Variants in CMIP observed in about 807,000 individuals in gnomAD.
CMIP encodes the protein C-Maf-inducing protein.
Under a neutral mutation model 97.3 loss-of-function variants are expected in CMIP, and 13 were observed. The observed-to-expected ratio is 0.13, with a 90% confidence interval of 0.09 to 0.21. The LOEUF (loss-of-function observed/expected upper bound fraction) is 0.21. Among genes scored for constraint, CMIP ranks in the 10% least tolerant of loss-of-function variants. CMIP has a pLI of 1.00. For missense variants in CMIP, 847 were observed against 1,024.9 expected (o/e 0.83, Z 2.37); for synonymous variants, 538 against 436.3 (o/e 1.23, Z -2.91).
At position 81,669,485 on chromosome 16, in the gene CMIP, C is replaced by T. The variant is rs536628066; in HGVS notation, c.826-657C>T. ...CCTCTCACCTTCCACACCCACCTCTCTCACCTCCTTCCACATCCACCTCAC... is the reference window on the plus strand; with the variant it reads ...CCTCTCACCTTCCACACCCACCTCTTTCACCTCCTTCCACATCCACCTCAC... On this transcript the variant is annotated intron_variant, in intron 7 of 20. Coordinates refer to ENST00000537098, the MANE Select transcript of CMIP (RefSeq NM_198390.3). Among the ~76,000 whole-genome samples, 4 of 141,568 alleles carry T rather than the reference C, an allele frequency of 2.8e-5. No homozygotes were observed. The South Asian group carries it at 9.4e-4, about 33-fold the overall frequency. 92.9% of individuals were successfully genotyped at this position (141,568 alleles called of 152,430 possible). A position where few individuals can be genotyped will look rare whatever the true frequency, so the allele number is the denominator to read the frequency against.
chr16:81,508,486 A>G (rs1030526962), intron 1 of CMIP, among the ~76,000 whole-genome samples: 1 of 152,214 alleles, frequency 6.6e-6, no homozygotes, highest in Non-Finnish European at 1.5e-5. Context: ...ATTCTACTCC[A>G]TAGCTCTATT....
intron 1 of CMIP, among the ~76,000 whole-genome samples, chr16:81,557,338 T>TTCAATTCACTCA (rs2090784321): frequency 6.8e-6 from 1 of 146,758 alleles, no homozygotes; most frequent in African/African-American, 2.4e-5. Context: ...CTGATGTTGG[T>TTCAATTCACTCA]TGAATTTACT....
intron 1 of CMIP, among the ~76,000 whole-genome samples, chr16:81,554,088 CAAT>C (rs1446939018): frequency 1.3e-5 from 2 of 152,190 alleles, no homozygotes; most frequent in African/African-American, 4.8e-5. Flanking sequence ...TTTAGAACAA[CAAT>C]AATTATTAAA....
At chr16:81,460,976 C>A (rs1169854963) in intron 1 of CMIP, among the ~76,000 whole-genome samples, 2 of 152,170 alleles carry the variant, frequency 1.3e-5, no homozygotes, top group Non-Finnish European at 1.5e-5. Flanking sequence ...GAAACTGAGG[C>A]TTAGAGAGTT....
At chr16:81,578,791 C>A (rs1026423937) in intron 1 of CMIP, among the ~76,000 whole-genome samples, 1 of 152,212 alleles carries the variant, frequency 6.6e-6, no homozygotes, top group Non-Finnish European at 1.5e-5. Flanking sequence ...CCTGCACTGG[C>A]GTCGGAAAAG....
chr16:81,566,829 A>G (rs1259269160), intron 1 of CMIP, among the ~76,000 whole-genome samples: 1 of 152,250 alleles, frequency 6.6e-6, no homozygotes, highest in Non-Finnish European at 1.5e-5. Context: ...AATGAAAAAT[A>G]AACACCATGG....
chr16:81,455,170 C>T (rs895259347), intron 1 of CMIP, among the ~76,000 whole-genome samples: 2 of 152,158 alleles, frequency 1.3e-5, no homozygotes, highest in African/African-American at 4.8e-5. Context: ...CCCGGGATGT[C>T]ACAGATTGGA....
intron 1 of CMIP, among the ~76,000 whole-genome samples, chr16:81,535,867 AG>A (rs1388044971): frequency 3.3e-5 from 5 of 152,192 alleles, no homozygotes; most frequent in African/African-American, 1.2e-4. Flanking sequence ...ACAAGCTCCT[AG>A]GACTCCAGGT....
chr16:81,538,673 A>C (rs1597526279), intron 1 of CMIP, among the ~76,000 whole-genome samples: 1 of 152,304 alleles, frequency 6.6e-6, no homozygotes, highest in East Asian at 1.9e-4. Context: ...ATTTAAGCCA[A>C]GTCACACTGA....
intron 1 of CMIP, among the ~76,000 whole-genome samples, chr16:81,549,606 C>T (rs902305205): frequency 1.3e-5 from 2 of 152,194 alleles, no homozygotes; most frequent in African/African-American, 2.4e-5. Context: ...TCCTGAGAGG[C>T]GGGGCTGAGA....
In CMIP at chr16:81,664,132, A is replaced by G. The variant is rs563356045; in HGVS notation, c.745-137A>G. 849 of 679,412 alleles carry G rather than the reference A, an allele frequency of 1.2e-3. 1 individual carries two copies. The highest frequency in any genetic ancestry group is 2.2e-3 in the South Asian group (100 of 44,684). 42.1% of individuals were successfully genotyped at this position (679,412 alleles called of 1,614,324 possible). A position where few individuals can be genotyped will look rare whatever the true frequency, so the allele number is the denominator to read the frequency against. ...CCCTCCAAAATAAACTCATTTTTAGAAAGCAGTGCAGCCGTGTTCATCAAG... is the reference window on the plus strand; with the variant it reads ...CCCTCCAAAATAAACTCATTTTTAGGAAGCAGTGCAGCCGTGTTCATCAAG... On this transcript the variant is annotated intron_variant, in intron 6 of 20. Transcript: ENST00000537098.
chr16:81,690,489 G>A (rs1020760235), intron 10 of CMIP, among the ~76,000 whole-genome samples: 23 of 152,218 alleles, frequency 1.5e-4, no homozygotes, highest in Admixed American at 1.5e-3. Context: ...CCTCACACCT[G>A]TAATCCTAGC....
chr16:81,707,403 A>G (rs1291634795), intron 20 of CMIP, among the ~76,000 whole-genome samples: 1 of 152,238 alleles, frequency 6.6e-6, no homozygotes, highest in African/African-American at 2.4e-5. Flanking sequence ...GTCCTGAGAC[A>G]GAAGAGATGG....
intron 1 of CMIP, among the ~76,000 whole-genome samples, chr16:81,502,905 G>A (rs372432943): frequency 1.3e-5 from 2 of 152,324 alleles, no homozygotes; most frequent in East Asian, 1.9e-4. Context: ...TGCTGTCCCT[G>A]CAATGCCGGG....
intron 1 of CMIP, among the ~76,000 whole-genome samples, chr16:81,530,049 C>A (rs1333342224): frequency 1.3e-5 from 2 of 152,206 alleles, no homozygotes; most frequent in Non-Finnish European, 2.9e-5. Context: ...GACAGTAAGA[C>A]CATCATCACT....
chr16:81,556,037 G>A (rs969661872), intron 1 of CMIP, among the ~76,000 whole-genome samples: 3 of 152,274 alleles, frequency 2.0e-5, no homozygotes, highest in Non-Finnish European at 2.9e-5. Flanking sequence ...CAGAATCACC[G>A]TCTTCTCTGT....
chr16:81,562,683 T>C (rs2090906197), intron 1 of CMIP, among the ~76,000 whole-genome samples: 1 of 152,268 alleles, frequency 6.6e-6, no homozygotes, highest in Non-Finnish European at 1.5e-5. Context: ...CATCCCATGC[T>C]GGGTGGTTCA....
chr16:81,449,975 G>A (rs991543767), intron 1 of CMIP, among the ~76,000 whole-genome samples: 3 of 152,254 alleles, frequency 2.0e-5, no homozygotes, highest in Admixed American at 6.5e-5. Context: ...ATGTGGCTGA[G>A]CTTTCCTGCA....
chr16:81,603,493 T>C (rs1308654657), intron 1 of CMIP: 1 of 454,274 alleles, frequency 2.2e-6, no homozygotes, highest in African/African-American at 2.0e-5. Context: ...CCCCAGCTGC[T>C]AGTATCTTAG....
Sources: allele counts gnomAD v4.1 joint callset (sites outside exome capture counted in the v4.1 genomes callset), GRCh38; gene constraint gnomAD v4.1.1; transcripts MANE v1.5; gene names NCBI Gene and HGNC (gene_info 2026-07-23, HGNC 2026-07-21).